MACROD2: variants seen among roughly 807,000 people sequenced by gnomAD.
MACROD2 encodes ADP-ribose glycohydrolase MACROD2.
A neutral mutation model predicts 70.4 loss-of-function variants in MACROD2; 36 were observed. That is an observed-to-expected ratio of 0.51 (90% CI 0.39 to 0.68). The LOEUF is 0.68. Ranked by LOEUF, MACROD2 falls within the 30% of genes least tolerant of loss-of-function variation. The pLI, the probability that MACROD2 is intolerant of heterozygous loss-of-function variation, is 0.00. For missense variants in MACROD2, 496 were observed against 538.4 expected (o/e 0.92, Z 0.78); for synonymous variants, 172 against 178.8 (o/e 0.96, Z 0.30).
chr20:15,087,349 G>A (rs2075756587), intron 5 of MACROD2, among the ~76,000 whole-genome samples: 1 of 151,944 alleles, frequency 6.6e-6, no homozygotes, highest in African/African-American at 2.4e-5. Flanking sequence ...AAATACCATG[G>A]TATTAGCACA....
At chr20:16,005,344 A>G (rs1416771680) in intron 15 of MACROD2, among the ~76,000 whole-genome samples, 1 of 152,228 alleles carries the variant, frequency 6.6e-6, no homozygotes, top group Non-Finnish European at 1.5e-5. Flanking sequence ...AAGAAAAGAA[A>G]AAAGGAGAAG....
chr20:15,775,193 A>G (rs2051701309), intron 8 of MACROD2, among the ~76,000 whole-genome samples: 1 of 152,158 alleles, frequency 6.6e-6, no homozygotes, highest in Admixed American at 6.5e-5. Flanking sequence ...AAACATGCAC[A>G]GATCCAGCGG....
chr20:14,480,674 A>G (rs2084653102), intron 3 of MACROD2, among the ~76,000 whole-genome samples: 1 of 152,166 alleles, frequency 6.6e-6, no homozygotes, highest in Admixed American at 6.5e-5. Flanking sequence ...TATAGAATCC[A>G]CAGCTGGCCT....
chr20:15,073,669 C>A (rs549479654), intron 5 of MACROD2, among the ~76,000 whole-genome samples: 31 of 152,228 alleles, frequency 2.0e-4, no homozygotes, highest in Non-Finnish European at 3.2e-4. Flanking sequence ...CTTTCAAGTC[C>A]AGCTCTCTGG....
At chr20:15,662,705 C>G (rs2049838306) in intron 8 of MACROD2, among the ~76,000 whole-genome samples, 1 of 124,838 alleles carries the variant, frequency 8.0e-6, no homozygotes, top group African/African-American at 3.0e-5. Context: ...CTTGTACAAG[C>G]TCAGAGAGGG....
intron 3 of MACROD2, among the ~76,000 whole-genome samples, chr20:14,283,386 T>G (rs1292957071): frequency 6.6e-6 from 1 of 152,164 alleles, no homozygotes; most frequent in Admixed American, 6.5e-5. Flanking sequence ...GAACAATTTT[T>G]TTCAATATGG....
chr20:15,072,697 G>C (rs1174281506), intron 5 of MACROD2, among the ~76,000 whole-genome samples: 2 of 152,108 alleles, frequency 1.3e-5, no homozygotes, highest in Admixed American at 6.5e-5. Context: ...CTGGAGTCTA[G>C]GAAAAGTACA....
intron 12 of MACROD2, among the ~76,000 whole-genome samples, chr20:15,939,509 C>G (rs1431759753): frequency 1.3e-5 from 2 of 151,830 alleles, no homozygotes; most frequent in Non-Finnish European, 2.9e-5. Flanking sequence ...CTGTTGAGAC[C>G]TACTGCTCAA....
At chr20:15,618,757 A>T (rs758636689) in intron 8 of MACROD2, among the ~76,000 whole-genome samples, 2 of 152,170 alleles carry the variant, frequency 1.3e-5, no homozygotes, top group Non-Finnish European at 2.9e-5. Context: ...GTAACTGCCC[A>T]ATGGGCTCAC....
At chr20:14,379,017 G>A (rs143148191) in intron 3 of MACROD2, among the ~76,000 whole-genome samples, 2 of 152,074 alleles carry the variant, frequency 1.3e-5, no homozygotes, top group Non-Finnish European at 2.9e-5. Context: ...GCTTTTCTCC[G>A]AGCACTTTCC....
intron 15 of MACROD2, among the ~76,000 whole-genome samples, chr20:15,993,791 A>G (rs2066591453): frequency 6.6e-6 from 1 of 152,222 alleles, no homozygotes; most frequent in Non-Finnish European, 1.5e-5. Context: ...TCCTTCTATC[A>G]GACAAAATTC....
chr20:15,641,277 A>G (rs1052565816), intron 8 of MACROD2, among the ~76,000 whole-genome samples: 3 of 152,158 alleles, frequency 2.0e-5, no homozygotes, highest in Non-Finnish European at 4.4e-5. Context: ...CAACTCTTAT[A>G]TCTAAGCACT....
At chr20:15,631,966 C>T (rs1415681097) in intron 8 of MACROD2, among the ~76,000 whole-genome samples, 2 of 152,092 alleles carry the variant, frequency 1.3e-5, no homozygotes, top group Admixed American at 6.5e-5. Context: ...AGTGAAACCC[C>T]GTCTCTACTA....
At chr20:14,427,980 C>A (rs551392091) in intron 3 of MACROD2, among the ~76,000 whole-genome samples, 3 of 152,070 alleles carry the variant, frequency 2.0e-5, no homozygotes, top group South Asian at 2.1e-4. Flanking sequence ...TTATTTGTAA[C>A]CTTATCATAA....
At chr20:14,920,767 T>C (rs1203550900) in intron 5 of MACROD2, among the ~76,000 whole-genome samples, 1 of 152,148 alleles carries the variant, frequency 6.6e-6, no homozygotes, top group African/African-American at 2.4e-5. Context: ...AAAGCTGCAG[T>C]GTAATGAATG....
intron 4 of MACROD2, among the ~76,000 whole-genome samples, chr20:14,570,877 A>G (rs1359484033): frequency 1.3e-5 from 2 of 151,348 alleles, no homozygotes; most frequent in African/African-American, 2.4e-5. Context: ...GAATTATGTG[A>G]TTTTTTTTTA....
intron 4 of MACROD2, among the ~76,000 whole-genome samples, chr20:14,549,060 A>T (rs886137807): frequency 6.6e-6 from 1 of 152,212 alleles, no homozygotes; most frequent in Admixed American, 6.5e-5. Context: ...AAAGAGACAC[A>T]TGTTCTAGAA....
chr20:14,094,261 G>A (rs2054192583), intron 3 of MACROD2, among the ~76,000 whole-genome samples: 1 of 152,146 alleles, frequency 6.6e-6, no homozygotes. Flanking sequence ...ATTCTTGGAT[G>A]ATTATGATTT....
intron 8 of MACROD2, among the ~76,000 whole-genome samples, chr20:15,580,773 C>A (rs1394385861): frequency 6.6e-6 from 1 of 152,122 alleles, no homozygotes; most frequent in African/African-American, 2.4e-5. Context: ...CACATCATAA[C>A]CATAACAAAT....
Sources: allele counts gnomAD v4.1 joint callset (sites outside exome capture counted in the v4.1 genomes callset), GRCh38; gene constraint gnomAD v4.1.1; transcripts MANE v1.5; gene names NCBI Gene and HGNC (gene_info 2026-07-23, HGNC 2026-07-21).